GLRA1: variants seen among roughly 807,000 people sequenced by gnomAD.
GLRA1 encodes the protein glycine receptor subunit alpha-1.
Under a neutral mutation model 48.3 loss-of-function variants are expected in GLRA1, and 37 were observed. The ratio of observed to expected loss-of-function variants is 0.77; its 90% CI spans 0.59 to 1.01. The LOEUF (loss-of-function observed/expected upper bound fraction) is 1.01. Among genes scored for constraint, GLRA1 ranks in the 50% least tolerant of loss-of-function variants. GLRA1 has a pLI of 0.00. For missense variants in GLRA1, 427 were observed against 571.0 expected (o/e 0.75, Z 2.57); for synonymous variants, 196 against 210.7 (o/e 0.93, Z 0.60).
intron 1 of GLRA1, among the ~76,000 whole-genome samples, chr5:151,910,410 A>G (rs1754579901): frequency 1.3e-5 from 2 of 152,260 alleles, no homozygotes; most frequent in African/African-American, 4.8e-5. Context: ...TCAAGAGACA[A>G]TAACAACTAT....
At chr5:151,858,394 T>A (rs1051629588) in intron 4 of GLRA1, among the ~76,000 whole-genome samples, 1 of 152,198 alleles carries the variant, frequency 6.6e-6, no homozygotes, top group African/African-American at 2.4e-5. Flanking sequence ...ACCTTGGAAA[T>A]GTCACTTTCT....
intron 7 of GLRA1, chr5:151,850,608 T>C (rs1752874671): frequency 3.4e-6 from 5 of 1,474,404 alleles, no homozygotes; most frequent in Non-Finnish European, 4.7e-6. Flanking sequence ...ATCAACGACT[T>C]TTCTGCTGGT....
chr5:151,918,188 T>G (rs748547399), intron 1 of GLRA1, among the ~76,000 whole-genome samples: 1 of 152,190 alleles, frequency 6.6e-6, no homozygotes, highest in Non-Finnish European at 1.5e-5. Context: ...ACTGTGTGGA[T>G]AAGCCCCTCT....
chr5:151,893,283 A>ACTTACTTT (rs1215858291), intron 1 of GLRA1, among the ~76,000 whole-genome samples: 5 of 76,178 alleles, frequency 6.6e-5, no homozygotes, highest in Admixed American at 2.8e-4. Flanking sequence ...CCTCTGCCCA[A>ACTTACTTT]CTTTCTTTCT....
intron 3 of GLRA1, among the ~76,000 whole-genome samples, chr5:151,881,748 G>C (rs755326689): frequency 1.3e-5 from 2 of 152,118 alleles, no homozygotes; most frequent in Non-Finnish European, 1.5e-5. Flanking sequence ...TCCTTGTCAG[G>C]ACTGGATAGA....
At chr5:151,910,810 G>T (rs1754589525) in intron 1 of GLRA1, among the ~76,000 whole-genome samples, 1 of 152,112 alleles carries the variant, frequency 6.6e-6, no homozygotes, top group Admixed American at 6.6e-5. Context: ...ACCCTCTCTT[G>T]CTTTATTGGG....
intron 1 of GLRA1, among the ~76,000 whole-genome samples, chr5:151,903,240 C>T (rs1247878661): frequency 6.6e-6 from 1 of 152,102 alleles, no homozygotes; most frequent in African/African-American, 2.4e-5. Context: ...ATAAACAATC[C>T]TCAGTAGGCA....
rs10068443 is a variant in GLRA1 at position 151,910,900 on chromosome 5, G to T, written c.56+13594C>A. On this transcript the variant is annotated intron_variant, in intron 1 of 8. Transcript: ENST00000274576. ...TTTGTACCCCCCACTAGAAGTTAAG[G>T]TGTGTTAGAGCAGGGACCATGACTC... 6.0e-3 allele frequency among the ~76,000 whole-genome samples: 916 copies of T among 152,308 alleles called. 6 individuals carry two copies. The highest frequency in any genetic ancestry group is 0.021 in the African/African-American group (871 of 41,564).
chr5:151,823,231 C>T (rs747285212), intron 8 of GLRA1, among the ~76,000 whole-genome samples: 8 of 152,096 alleles, frequency 5.3e-5, no homozygotes, highest in Non-Finnish European at 7.4e-5. Flanking sequence ...CCAGCTCTAT[C>T]AATTGCTGGT....
intron 7 of GLRA1, among the ~76,000 whole-genome samples, chr5:151,839,893 G>T (rs576097829): frequency 2.0e-4 from 30 of 152,116 alleles, no homozygotes; most frequent in Non-Finnish European, 4.1e-4. Flanking sequence ...AATTTTTATT[G>T]TTTAAACCAC....
intron 1 of GLRA1, among the ~76,000 whole-genome samples, chr5:151,899,672 C>T (rs1754316070): frequency 2.6e-5 from 4 of 152,140 alleles, no homozygotes. Flanking sequence ...CCGCAGCCAG[C>T]TGTGCAATTC....
At chr5:151,899,763 A>G (rs1754318171) in intron 1 of GLRA1, among the ~76,000 whole-genome samples, 1 of 152,054 alleles carries the variant, frequency 6.6e-6, no homozygotes, top group South Asian at 2.1e-4. Context: ...TCACTTCATG[A>G]TCTGCTAAGC....
At chr5:151,920,779 C>T (rs756172430) in intron 1 of GLRA1, among the ~76,000 whole-genome samples, 5 of 152,128 alleles carry the variant, frequency 3.3e-5, no homozygotes, top group South Asian at 2.1e-4. Context: ...CTCCTAGGCA[C>T]GTTCTGCAGT....
chr5:151,878,669 A>G (rs1753686501), intron 3 of GLRA1, among the ~76,000 whole-genome samples: 1 of 152,158 alleles, frequency 6.6e-6, no homozygotes, highest in Admixed American at 6.5e-5. Context: ...GCCATGACTA[A>G]AAGGTGCCAA....
chr5:151,899,565 C>G, intron 1 of GLRA1, among the ~76,000 whole-genome samples: 1 of 152,114 alleles, frequency 6.6e-6, no homozygotes, highest in Non-Finnish European at 1.5e-5. Flanking sequence ...ATCCCCGGCT[C>G]TGACCCCAAG....
rs1491049408 is a variant in GLRA1, at chr5:151,924,815, T to TAA, written c.-267_-266insTT. On this transcript the variant is annotated 5_prime_UTR_variant, in exon 1 of 9. Coordinates refer to ENST00000274576, the MANE Select transcript of GLRA1 (RefSeq NM_000171.4). ...GGAGCGCGAAGAGTATTGCTGTTTG[T>TAA]TAAACTCCAGCGTGTCTGTTGGCTC... 55 of 564,652 alleles carry TAA rather than the reference T, an allele frequency of 9.7e-5. No individual in the cohort carries two copies. The highest frequency in any genetic ancestry group is 9.3e-4 in the African/African-American group (49 of 52,972). The allele number at this position is 564,652 out of a possible 1,614,324, so 35.0% of individuals were successfully genotyped here.
chr5:151,828,775 C>T, intron 8 of GLRA1, 146 bp downstream of exon 8: 1 of 819,498 alleles, frequency 1.2e-6, no homozygotes, highest in Admixed American at 2.4e-5. Context: ...AAAGCTGAGA[C>T]CTCTAGGTCT....
chr5:151,872,831 T>C (rs1753522674), intron 3 of GLRA1, among the ~76,000 whole-genome samples: 1 of 149,756 alleles, frequency 6.7e-6, no homozygotes, highest in African/African-American at 2.6e-5. Context: ...GTAAGGTAGA[T>C]CTATATGTAG....
chr5:151,842,261 A>T (rs1055532776), intron 7 of GLRA1, among the ~76,000 whole-genome samples: 2 of 152,064 alleles, frequency 1.3e-5, no homozygotes, highest in African/African-American at 4.8e-5. Context: ...AACTCTTTCT[A>T]AGAAGCAAGT....
Sources: gnomAD v4.1 joint callset for allele counts (sites outside exome capture counted in the v4.1 genomes callset) on GRCh38, gnomAD v4.1.1 for gene constraint, MANE v1.5 for transcripts, NCBI Gene and HGNC (gene_info 2026-07-23, HGNC 2026-07-21) for gene names.